Variants in OR51M1 observed in about 807,000 individuals in gnomAD.
The protein encoded by OR51M1 is olfactory receptor 51M1.
For synonymous variants in OR51M1, 199 were observed against 155.1 expected (o/e 1.28, Z -2.10); for missense variants, 509 against 404.4 (o/e 1.26, Z -2.22).
At position 5,390,043 on chromosome 11, in the gene OR51M1, A is replaced by G; in HGVS notation, c.645A>G (p.Val215=). The change falls in exon 3 of 3, where the codon GTA becomes GTG. Residue 215 remains valine (V), a synonymous_variant. Transcript: ENST00000642046. ...ATAATCTGTATGGACTGATGGTGGT[A>G]GTTTTCACTGTGATGCTGGACCTGG... ...TFNNLYGLMV[V]VFTVMLDLVL... is the part of the protein sequence containing the mutation. The G allele has an allele frequency of 6.2e-7, 1 of 1,613,668 alleles. No homozygotes were observed. The highest frequency in any genetic ancestry group is 1.3e-5 in the African/African-American group (1 of 75,056).
intron 2 of OR51M1, among the ~76,000 whole-genome samples, chr11:5,388,308 G>T (rs1241921965): frequency 6.6e-6 from 1 of 151,762 alleles, no homozygotes. Context: ...TACAGAAATT[G>T]ACAATGCTGC....
In OR51M1 at chr11:5,390,215, G is replaced by A. The variant is rs754870835; in HGVS notation, c.817G>A (p.Val273Met). 6 of 1,613,966 alleles carry A rather than the reference G, an allele frequency of 3.7e-6. No individual in the cohort carries two copies. In the Admixed American group the frequency reaches 1.0e-4, roughly 27 times the overall value. ...FFVPMMGLSL[V>M]HRFGKHAPPA... The stretch of plus-strand genomic sequence containing the variant: ...TGTGCCCATGATGGGGCTGTCCCTG[G>A]TGCACCGTTTTGGGAAGCATGCCCC... The change falls in exon 3 of 3, where the codon GTG (valine) becomes ATG (methionine). Residue 273 changes from valine to methionine, a missense_variant. By Grantham distance (21) the Val-to-Met change is conservative. Coordinates refer to ENST00000642046, the MANE Select transcript of OR51M1 (RefSeq NM_001004756.3).
At chr11:5,384,391 C>G (rs1238402268) in intron 1 of OR51M1, among the ~76,000 whole-genome samples, 184 of 152,294 alleles carry the variant, frequency 1.2e-3, no homozygotes, top group African/African-American at 4.2e-3. Flanking sequence ...CCAGGGTTCT[C>G]ACAGAATCTC....
Position 5,389,677 on chromosome 11 carries a change from T to G in OR51M1, c.279T>G (p.Thr93=). The stretch of plus-strand genomic sequence containing the variant: ...TGTGTGTGTCCACGTTGCCCACCAC[T>G]ATGGGGATCTTCTGGTTTAACTCCC... The part of the protein sequence containing the change: ...LGLCVSTLPT[T]MGIFWFNSHS... The change falls in exon 3 of 3, where the codon ACT becomes ACG. Residue 93 remains threonine, a synonymous_variant. Transcript: ENST00000642046. 2 of 1,613,678 alleles carry G rather than the reference T, an allele frequency of 1.2e-6. No homozygotes were observed. The highest frequency in any genetic ancestry group is 1.7e-6 in the Non-Finnish European group (2 of 1,179,866).
At chr11:5,387,154 A>G (rs1849707856) in intron 2 of OR51M1, among the ~76,000 whole-genome samples, 1 of 152,194 alleles carries the variant, frequency 6.6e-6, no homozygotes, top group African/African-American at 2.4e-5. Flanking sequence ...ATATTTGAGC[A>G]ATGGAAATAA....
rs1323118029 is a variant in OR51M1 at position 5,392,132 on chromosome 11, T to A, written c.*1753T>A. 6.6e-6 allele frequency: 1 copy of A among 152,170 alleles called. No homozygotes were observed. The highest frequency in any genetic ancestry group is 6.5e-5 in the Admixed American group (1 of 15,280). The allele number at this position is 152,170 out of a possible 1,614,324, so 9.4% of individuals were successfully genotyped here. On this transcript the variant is annotated 3_prime_UTR_variant, in exon 3 of 3. Transcript: ENST00000642046. ...AAGAACCAAACTCTAAAAATATGTA[T>A]GTATGTTTGTGCGGTTTCTTGTGTA... is the stretch of plus-strand genomic sequence containing the variant.
intron 1 of OR51M1, among the ~76,000 whole-genome samples, chr11:5,384,619 T>C (rs2133722285): frequency 6.6e-6 from 1 of 152,350 alleles, no homozygotes; most frequent in Non-Finnish European, 1.5e-5. Context: ...CCCTCTGGTC[T>C]CTATACTCTT....
At chr11:5,384,663 C>CT (rs928143827) in intron 1 of OR51M1, among the ~76,000 whole-genome samples, 10 of 152,312 alleles carry the variant, frequency 6.6e-5, no homozygotes, top group African/African-American at 2.4e-4. Flanking sequence ...ACACCCTCTC[C>CT]TTACTCTCAT....
chr11:5,387,248 G>A (rs1272387857), intron 2 of OR51M1, among the ~76,000 whole-genome samples: 2 of 152,100 alleles, frequency 1.3e-5, no homozygotes, highest in African/African-American at 4.8e-5. Flanking sequence ...GCTCTAAAAA[G>A]GAAGGCATGG....
chr11:5,387,499 T>C (rs549269221), intron 2 of OR51M1, among the ~76,000 whole-genome samples: 1 of 152,202 alleles, frequency 6.6e-6, no homozygotes, highest in Non-Finnish European at 1.5e-5. Flanking sequence ...CTTATATCCA[T>C]GCAGCACCTC....
rs1208309771 is a variant in OR51M1, at chr11:5,390,186, T to G, written c.788T>G (p.Phe263Cys). Residue 263 changes from phenylalanine (F) to cysteine (C), a missense_variant, in exon 3 of 3, where the codon TTC becomes TGC. Phe to Cys is a radical substitution (Grantham distance 205). Coordinates refer to ENST00000642046, the MANE Select transcript of OR51M1 (RefSeq NM_001004756.3). ...GCTCCTCTCTGTGCTGTGCTAGTATTCTTTGTGCCCATGATGGGGCTGTCC... is the reference window on the plus strand; with the variant it reads ...GCTCCTCTCTGTGCTGTGCTAGTATGCTTTGTGCCCATGATGGGGCTGTCC... ...CTAPLCAVLV[F>C]FVPMMGLSLV... 4 of 1,614,028 alleles carry G rather than the reference T, an allele frequency of 2.5e-6. No homozygotes were observed. In the Admixed American group the frequency reaches 6.7e-5, roughly 27 times the overall value.
Position 5,390,377 on chromosome 11 carries a change from T to G in OR51M1, c.979T>G (p.Ter327GlyextTer24), listed in dbSNP as rs1296030297. 3.8e-6 allele frequency: 6 copies of G among 1,588,668 alleles called. No individual in the cohort carries two copies. The East Asian group carries it at 1.4e-4, about 36-fold the overall frequency. ...KFLGLKKASK[*>G] ...CCTAGGTCTTAAAAAGGCCAGTAAA[T>G]GAGTCCTGGGGCTAAAACTCCCCCT... Residue 327 changes from the stop codon to glycine, a stop_lost, in exon 3 of 3, where the codon TGA (stop) becomes GGA (glycine). Coordinates refer to ENST00000642046, the MANE Select transcript of OR51M1 (RefSeq NM_001004756.3).
chr11:5,385,431 C>T lies in OR51M1; in HGVS notation c.-43C>T, dbSNP rs890858211. ...GGTGAACACAGAGCTGACAACAGAA[C>T]CCCAGGCACAAAGAATCAGGATAAG... On this transcript the variant is annotated 5_prime_UTR_variant, in exon 2 of 3. Coordinates refer to ENST00000642046, the MANE Select transcript of OR51M1 (RefSeq NM_001004756.3). 1 of 152,162 alleles carries T rather than the reference C, an allele frequency of 6.6e-6. No homozygotes were observed. 9.4% of individuals were successfully genotyped at this position (152,162 alleles called of 1,614,324 possible). A position where few individuals can be genotyped will look rare whatever the true frequency, so the allele number is the denominator to read the frequency against.
chr11:5,386,054 A>G (rs1415314830), intron 2 of OR51M1, among the ~76,000 whole-genome samples: 3 of 152,024 alleles, frequency 2.0e-5, no homozygotes, highest in African/African-American at 7.2e-5. Context: ...AGAAAGATGT[A>G]CCTAATGCTA....
In OR51M1 at chr11:5,390,597, G is replaced by A. The variant is rs1328513282; in HGVS notation, c.*218G>A. On this transcript the variant is annotated 3_prime_UTR_variant, in exon 3 of 3. Transcript: ENST00000642046. ...CCTACAGCTGAGAACTGGCATTTTT[G>A]GTAGCATCAAAGCTATCCAGAAGGC... 2 of 502,980 alleles carry A rather than the reference G, an allele frequency of 4.0e-6. No homozygotes were observed. Among genetic ancestry groups the A allele is most frequent in the Non-Finnish European group, 7.0e-6 (2 of 287,758 alleles). 31.2% of individuals were successfully genotyped at this position (502,980 alleles called of 1,614,324 possible). A position where few individuals can be genotyped will look rare whatever the true frequency, so the allele number is the denominator to read the frequency against.
Position 5,389,940 on chromosome 11 carries a change from G to A in OR51M1, c.542G>A (p.Cys181Tyr), listed in dbSNP as rs199834341. 4 of 1,611,196 alleles carry A rather than the reference G, an allele frequency of 2.5e-6. No homozygotes were observed. The highest frequency in any genetic ancestry group is 3.4e-6 in the Non-Finnish European group (4 of 1,179,882). The part of the protein sequence containing the change: ...IVLLLKAFPY[C>Y]GSVVLSHSFC... ...CTCCTCCTGAAGGCTTTTCCCTACT[G>A]TGGATCTGTGGTCCTCTCCCACTCA... The change falls in exon 3 of 3, where the codon TGT becomes TAT. Residue 181 changes from cysteine (C) to tyrosine (Y), a missense_variant. Cys to Tyr is a radical substitution (Grantham distance 194). Coordinates refer to ENST00000642046, the MANE Select transcript of OR51M1 (RefSeq NM_001004756.3).
intron 2 of OR51M1, among the ~76,000 whole-genome samples, chr11:5,388,631 G>C (rs1471440131): frequency 4.0e-5 from 6 of 150,288 alleles, no homozygotes; most frequent in African/African-American, 1.5e-4. Flanking sequence ...TAAGAAAATA[G>C]GATATACACG....
chr11:5,389,314 A>C, intron 2 of OR51M1, 70 bp from the exon 3 acceptor site: 7 of 1,276,824 alleles, frequency 5.5e-6, no homozygotes, highest in Non-Finnish European at 7.8e-6. Flanking sequence ...TGACCATGGT[A>C]CTGCTTGTGA....
At position 5,390,457 on chromosome 11, in the gene OR51M1, T is replaced by C. The variant is rs1339605606; in HGVS notation, c.*78T>C. 14 of 1,232,834 alleles carry C rather than the reference T, an allele frequency of 1.1e-5. No homozygotes were observed. The Admixed American group carries it at 1.1e-4, about 10-fold the overall frequency. The allele number at this position is 1,232,834 out of a possible 1,614,324, so 76.4% of individuals were successfully genotyped here. A position where few individuals can be genotyped will look rare whatever the true frequency, so the allele number is the denominator to read the frequency against. ...CTGAAAATTTGGAGTATTGAGTATA[T>C]AGCATGCTCTTAAAGATTTTTTGCC... On this transcript the variant is annotated 3_prime_UTR_variant, in exon 3 of 3. Coordinates refer to ENST00000642046, the MANE Select transcript of OR51M1 (RefSeq NM_001004756.3).
Sources: allele counts gnomAD v4.1 joint callset (sites outside exome capture counted in the v4.1 genomes callset), GRCh38; gene constraint gnomAD v4.1.1; transcripts MANE v1.5; gene names NCBI Gene and HGNC (gene_info 2026-07-23, HGNC 2026-07-21).